Variants in RALGPS2 observed in about 807,000 individuals in gnomAD.
The protein encoded by RALGPS2 is ras-specific guanine nucleotide-releasing factor RalGPS2.
In RALGPS2, 43 loss-of-function variants were observed where a neutral mutation model predicts 86.8. The ratio of observed to expected loss-of-function variants is 0.50; its 90% CI spans 0.39 to 0.64. The LOEUF (loss-of-function observed/expected upper bound fraction) is 0.64. Ranked by LOEUF, RALGPS2 falls within the 30% of genes least tolerant of loss-of-function variation. The pLI is 0.00. For synonymous variants in RALGPS2, 243 were observed against 231.3 expected (o/e 1.05, Z -0.46); for missense variants, 536 against 694.6 (o/e 0.77, Z 2.57).
At position 178,878,922 on chromosome 1, in the gene RALGPS2, G is replaced by A; in HGVS notation, c.766G>A (p.Val256Ile). The A allele has an allele frequency of 2.5e-6, 4 of 1,612,080 alleles. No individual in the cohort carries two copies. The highest frequency in any genetic ancestry group is 1.3e-5 in the African/African-American group (1 of 74,924). Residue 256 changes from valine to isoleucine, a missense_variant, in exon 10 of 20, where the codon GTC becomes ATC. By Grantham distance (29) the Val-to-Ile change is conservative. Transcript: ENST00000367635. Reference sequence around the variant, plus strand: ...CCTAGATATTCCCATGTTGCCTCATGTCCAAAAATATCTCAACTCTGTTCA... The same window carrying A: ...CCTAGATATTCCCATGTTGCCTCATATCCAAAAATATCTCAACTCTGTTCA... ...CEYDIPMLPHVQKYLNSVQYI... is the reference protein window; with the variant it reads ...CEYDIPMLPHIQKYLNSVQYI...
At chr1:178,799,544 G>C (rs1654368754) in intron 4 of RALGPS2, among the ~76,000 whole-genome samples, 1 of 152,090 alleles carries the variant, frequency 6.6e-6, no homozygotes, top group South Asian at 2.1e-4. Context: ...GAAGGGAAAA[G>C]GTAAACACCA....
chr1:178,865,677 T>C, intron 8 of RALGPS2: 1 of 1,614,088 alleles, frequency 6.2e-7, no homozygotes, highest in Non-Finnish European at 8.5e-7. Context: ...GGGTATCTTC[T>C]CTGGTTTATT....
intron 19 of RALGPS2, among the ~76,000 whole-genome samples, chr1:178,908,141 G>C (rs1266852890): frequency 6.6e-6 from 1 of 152,058 alleles, no homozygotes; most frequent in African/African-American, 2.4e-5. Context: ...TTTGTGTCTA[G>C]GTGTATTCAA....
At position 178,906,804 on chromosome 1, in the gene RALGPS2, T is replaced by C. The variant is rs762437768; in HGVS notation, c.1659T>C (p.Asn553=). ...ATTCGTACAAGTTTCAAGCTGGCAA[T>C]AGAATGAATGCAATGTTATGGTTTA... ...KGNSYKFQAG[N]RMNAMLWFKH... is the part of the protein sequence containing the mutation. Residue 553 remains asparagine, a synonymous_variant, in exon 19 of 20, where the codon AAT becomes AAC. Transcript: ENST00000367635. 8 of 1,608,610 alleles carry C rather than the reference T, an allele frequency of 5.0e-6. No homozygotes were observed. In the African/African-American group the frequency reaches 9.4e-5, roughly 19 times the overall value.
intron 2 of RALGPS2, among the ~76,000 whole-genome samples, chr1:178,779,310 G>A (rs1017734863): frequency 6.6e-6 from 1 of 151,880 alleles, no homozygotes; most frequent in Non-Finnish European, 1.5e-5. Flanking sequence ...TAGGGAACTT[G>A]CCTGCTTTCC....
At chr1:178,775,593 A>G (rs939885637) in intron 1 of RALGPS2, among the ~76,000 whole-genome samples, 16 of 152,274 alleles carry the variant, frequency 1.1e-4, no homozygotes, top group Middle Eastern at 3.4e-3. Context: ...TAGAACTTCA[A>G]GTAAGTACTC....
intron 2 of RALGPS2, among the ~76,000 whole-genome samples, chr1:178,782,596 A>C (rs1465223953): frequency 6.6e-6 from 1 of 152,030 alleles, no homozygotes; most frequent in Non-Finnish European, 1.5e-5. Context: ...GGACACACTC[A>C]GTGAAAGACT....
At position 178,895,776 on chromosome 1, in the gene RALGPS2, TGGG is replaced by T. The variant is rs759488269; in HGVS notation, c.1431+1756_1431+1758del. On this transcript the variant is annotated intron_variant, in intron 16 of 19. Transcript: ENST00000367635. ...TGTATGTTGGGGACATTTATTGAAA[TGGG>T]GGGCAGGTCAGTCTTGGCCAAGTTC... Among the ~76,000 whole-genome samples the T allele has an allele frequency of 6.6e-5, 10 of 151,950 alleles. No homozygotes were observed. The South Asian group carries it at 1.0e-3, about 16-fold the overall frequency.
chr1:178,765,078 A>G (rs1652430415), intron 1 of RALGPS2, among the ~76,000 whole-genome samples: 1 of 152,018 alleles, frequency 6.6e-6, no homozygotes, highest in African/African-American at 2.4e-5. Context: ...AGGCCTCCCC[A>G]GAAGCAGAAG....
intron 19 of RALGPS2, among the ~76,000 whole-genome samples, chr1:178,910,474 A>T (rs528658125): frequency 1.3e-5 from 2 of 152,274 alleles, no homozygotes; most frequent in East Asian, 3.9e-4. Flanking sequence ...ACATGAAAGG[A>T]TGTTGAATTT....
chr1:178,856,202 G>GATATATATATATATATATATATAT (rs55797277), intron 8 of RALGPS2, among the ~76,000 whole-genome samples: 18 of 83,896 alleles, frequency 2.1e-4, no homozygotes, highest in African/African-American at 1.0e-3. Context: ...GAGAGAGAGA[G>GATATATATATATATATATATATAT]ATATATATAT....
In RALGPS2 at chr1:178,731,948, C is replaced by T. The variant is rs540372782; in HGVS notation, c.-84+6529C>T. Among the ~76,000 whole-genome samples, 34 of 152,046 alleles carry T rather than the reference C, an allele frequency of 2.2e-4. No individual in the cohort carries two copies. The East Asian group carries it at 6.6e-3, about 30-fold the overall frequency. On this transcript the variant is annotated intron_variant, in intron 1 of 19. Coordinates refer to ENST00000367635, the MANE Select transcript of RALGPS2 (RefSeq NM_152663.5). The stretch of plus-strand genomic sequence containing the variant: ...AGTGTGGGACTGTGGTTTGCTGACA[C>T]CTGATCTTATACAAGCAGAAGGATT...
At chr1:178,743,541 G>A (rs901825360) in intron 1 of RALGPS2, among the ~76,000 whole-genome samples, 2 of 152,110 alleles carry the variant, frequency 1.3e-5, no homozygotes, top group African/African-American at 4.8e-5. Context: ...AAAAATCAAT[G>A]AAAATTGATT....
chr1:178,864,857 A>C (rs1378231931), intron 8 of RALGPS2: 2 of 813,384 alleles, frequency 2.5e-6, no homozygotes. Context: ...CATATATAAC[A>C]TCGCAAAATG....
intron 1 of RALGPS2, among the ~76,000 whole-genome samples, chr1:178,768,595 GCT>G (rs1652630148): frequency 6.6e-6 from 1 of 152,208 alleles, no homozygotes; most frequent in Non-Finnish European, 1.5e-5. Context: ...ACTGGGAGAT[GCT>G]CTCTGTTGCC....
rs74868865 is a variant in RALGPS2 at position 178,732,917 on chromosome 1, G to A, written c.-84+7498G>A. ...CTGTGGTGCATTTTTTCACCCACACGGCTGAATTTGACTTGCTGGTGTCTT... is the reference window on the plus strand; with the variant it reads ...CTGTGGTGCATTTTTTCACCCACACAGCTGAATTTGACTTGCTGGTGTCTT... On this transcript the variant is annotated intron_variant, in intron 1 of 19. Coordinates refer to ENST00000367635, the MANE Select transcript of RALGPS2 (RefSeq NM_152663.5). 3.9e-5 allele frequency among the ~76,000 whole-genome samples: 6 copies of A among 152,006 alleles called. No individual in the cohort carries two copies. In the East Asian group the frequency reaches 7.7e-4, roughly 20 times the overall value.
At chr1:178,768,424 T>G (rs1035784633) in intron 1 of RALGPS2, among the ~76,000 whole-genome samples, 1 of 152,202 alleles carries the variant, frequency 6.6e-6, no homozygotes, top group Non-Finnish European at 1.5e-5. Context: ...CTATAGAGAA[T>G]GCTGGGTAGG....
rs139127169 is a variant in RALGPS2, at chr1:178,867,947, G to T, written c.608-9551G>T. Among the ~76,000 whole-genome samples, 19 of 152,042 alleles carry T rather than the reference G, an allele frequency of 1.2e-4. 1 individual carries two copies. The highest frequency in any genetic ancestry group is 4.6e-4 in the African/African-American group (19 of 41,518). The stretch of plus-strand genomic sequence containing the variant: ...TTCAATTGAATAGTGTCTTCAAAAT[G>T]GGTAGATAATGAAAATAAGGCAAAT... On this transcript the variant is annotated intron_variant, in intron 8 of 19. Transcript: ENST00000367635.
chr1:178,727,444 A>G (rs1045450404), intron 1 of RALGPS2, among the ~76,000 whole-genome samples: 10 of 152,246 alleles, frequency 6.6e-5, no homozygotes, highest in Non-Finnish European at 2.9e-5. Context: ...TAGTTTGCCT[A>G]AATTTTTTCA....
Sources: gnomAD v4.1 joint callset for allele counts (sites outside exome capture counted in the v4.1 genomes callset) on GRCh38, gnomAD v4.1.1 for gene constraint, MANE v1.5 for transcripts, NCBI Gene and HGNC (gene_info 2026-07-23, HGNC 2026-07-21) for gene names.